NLGN1: variants seen among roughly 807,000 people sequenced by gnomAD.
The protein encoded by NLGN1 is neuroligin-1.
In NLGN1, 12 loss-of-function variants were observed where a neutral mutation model predicts 65.5. That is an observed-to-expected ratio of 0.18 (90% CI 0.12 to 0.30). The LOEUF is 0.30. Among genes scored for constraint, NLGN1 ranks in the 10% least tolerant of loss-of-function variants. NLGN1 has a pLI of 1.00. For missense variants in NLGN1, 750 were observed against 1,007.1 expected, an observed-to-expected ratio of 0.74 and a Z score of 3.46; for synonymous variants, 350 against 359.5, an observed-to-expected ratio of 0.97 and a Z score of 0.30.
chr3:173,638,358 G>T (rs1756914823), intron 3 of NLGN1, among the ~76,000 whole-genome samples: 1 of 144,624 alleles, frequency 6.9e-6, no homozygotes, highest in Admixed American at 7.1e-5. Flanking sequence ...CCTTTAATGG[G>T]AAAAGGTTCT....
intron 4 of NLGN1, among the ~76,000 whole-genome samples, chr3:173,953,863 T>G (rs1748692232): frequency 1.3e-5 from 2 of 152,174 alleles, no homozygotes; most frequent in African/African-American, 4.8e-5. Context: ...TATATCTGCT[T>G]TCCTGATGTA....
At position 174,040,590 on chromosome 3, in the gene NLGN1, A is replaced by G. The variant is rs1013262175; in HGVS notation, c.646+232758A>G. Among the ~76,000 whole-genome samples, 7 of 152,174 alleles carry G rather than the reference A, an allele frequency of 4.6e-5. No homozygotes were observed. In the East Asian group the frequency reaches 7.7e-4, roughly 17 times the overall value. On this transcript the variant is annotated intron_variant, in intron 4 of 6. Coordinates refer to ENST00000457714, the Ensembl canonical transcript of NLGN1. ...ATTAGAGGACACTACTGAGAAAATG[A>G]ATAGGCAATCCACAGAGAGAATAAA...
At chr3:173,943,215 C>T (rs1481235482) in intron 4 of NLGN1, among the ~76,000 whole-genome samples, 1 of 146,472 alleles carries the variant, frequency 6.8e-6, no homozygotes, top group Admixed American at 6.7e-5. Context: ...GGACAGAAGA[C>T]CCTGTCTCAA....
rs142916379 is a variant in NLGN1, at chr3:173,948,366, T to A, written c.646+140534T>A. On this transcript the variant is annotated intron_variant, in intron 4 of 6. Transcript: ENST00000457714. ...GATTTTATCATTACGGCAGAGACAA[T>A]GCCAGATTATCCAACATGTGTTTTG... Among the ~76,000 whole-genome samples the A allele has an allele frequency of 3.3e-5, 5 of 152,322 alleles. No individual in the cohort carries two copies. In the South Asian group the frequency reaches 1.0e-3, roughly 32 times the overall value.
intron 1 of NLGN1, among the ~76,000 whole-genome samples, chr3:173,399,260 G>A (rs1027153695): frequency 6.6e-6 from 1 of 152,112 alleles, no homozygotes; most frequent in African/African-American, 2.4e-5. Context: ...CTGCTATTCT[G>A]CAGTTAGTCT....
intron 4 of NLGN1, among the ~76,000 whole-genome samples, chr3:174,101,973 AGAT>A (rs1245166354): frequency 6.6e-6 from 1 of 152,214 alleles, no homozygotes; most frequent in African/African-American, 2.4e-5. Flanking sequence ...GCAGGAAGAA[AGAT>A]GTGTTATGGA....
At chr3:173,647,096 A>G (rs1758387334) in intron 3 of NLGN1, among the ~76,000 whole-genome samples, 1 of 152,148 alleles carries the variant, frequency 6.6e-6, no homozygotes, top group African/African-American at 2.4e-5. Flanking sequence ...TTATATGACA[A>G]AGTTCACTTC....
At chr3:173,434,834 G>T (rs1335510509) in intron 1 of NLGN1, among the ~76,000 whole-genome samples, 1 of 152,236 alleles carries the variant, frequency 6.6e-6, no homozygotes, top group Non-Finnish European at 1.5e-5. Flanking sequence ...AATGGTTGTT[G>T]TTGGAAACTC....
intron 2 of NLGN1, among the ~76,000 whole-genome samples, chr3:173,476,810 G>T (rs1055282454): frequency 6.6e-6 from 1 of 152,150 alleles, no homozygotes; most frequent in Non-Finnish European, 1.5e-5. Flanking sequence ...TATATTACAA[G>T]AGATAGAAAA....
At chr3:173,669,654 A>G (rs1762199244) in intron 3 of NLGN1, among the ~76,000 whole-genome samples, 1 of 152,220 alleles carries the variant, frequency 6.6e-6, no homozygotes, top group African/African-American at 2.4e-5. Context: ...CTGGGGATCA[A>G]GACTTCAATA....
intron 4 of NLGN1, among the ~76,000 whole-genome samples, chr3:174,178,061 T>C (rs1459073058): frequency 6.6e-6 from 1 of 151,920 alleles, no homozygotes. Flanking sequence ...ATCTGTGAAG[T>C]AGGAACAAAA....
intron 3 of NLGN1, among the ~76,000 whole-genome samples, chr3:173,647,351 A>G (rs1758434851): frequency 6.6e-6 from 1 of 152,150 alleles, no homozygotes; most frequent in Admixed American, 6.5e-5. Context: ...GACATAATTG[A>G]CATATATATA....
At chr3:173,488,007 T>C (rs1728444048) in intron 2 of NLGN1, among the ~76,000 whole-genome samples, 1 of 151,964 alleles carries the variant, frequency 6.6e-6, no homozygotes, top group Non-Finnish European at 1.5e-5. Flanking sequence ...TTGTATTTTA[T>C]CGCTTTTTTA....
intron 1 of NLGN1, among the ~76,000 whole-genome samples, chr3:173,432,849 A>T (rs1206741260): frequency 6.6e-6 from 1 of 152,090 alleles, no homozygotes; most frequent in Non-Finnish European, 1.5e-5. Flanking sequence ...ATTTCCTTTT[A>T]GAGGATAATG....
At chr3:173,701,754 A>G (rs1052003575) in intron 3 of NLGN1, among the ~76,000 whole-genome samples, 8 of 152,202 alleles carry the variant, frequency 5.3e-5, no homozygotes, top group African/African-American at 1.9e-4. Flanking sequence ...GAATATAAAT[A>G]ATACAAGCCC....
intron 2 of NLGN1, among the ~76,000 whole-genome samples, chr3:173,585,751 C>A (rs936942888): frequency 1.3e-5 from 2 of 152,252 alleles, no homozygotes; most frequent in Admixed American, 6.5e-5. Flanking sequence ...TGCATCCCTG[C>A]CCTGCCTGCC....
intron 4 of NLGN1, among the ~76,000 whole-genome samples, chr3:174,274,002 A>T (rs963527005): frequency 3.3e-5 from 5 of 151,748 alleles, no homozygotes; most frequent in Admixed American, 1.3e-4. Context: ...AAAGAGATAT[A>T]TTTCAAATTG....
intron 3 of NLGN1, among the ~76,000 whole-genome samples, chr3:173,657,200 T>G (rs992099021): frequency 6.6e-6 from 1 of 152,026 alleles, no homozygotes; most frequent in African/African-American, 2.4e-5. Flanking sequence ...CCTTAAATTC[T>G]GGGTCTCAGG....
At chr3:173,725,292 A>T (rs1423047348) in intron 3 of NLGN1, among the ~76,000 whole-genome samples, 1 of 152,202 alleles carries the variant, frequency 6.6e-6, no homozygotes, top group Non-Finnish European at 1.5e-5. Flanking sequence ...GGTATGATAC[A>T]TTCTGTTTTT....
Sources: gnomAD v4.1 joint callset for allele counts (sites outside exome capture counted in the v4.1 genomes callset) on GRCh38, gnomAD v4.1.1 for gene constraint, MANE v1.5 for transcripts, NCBI Gene and HGNC (gene_info 2026-07-23, HGNC 2026-07-21) for gene names.